Variants in NEK1 observed in about 807,000 individuals in gnomAD.
The protein encoded by NEK1 is NIMA related kinase 1, also known as serine/threonine-protein kinase Nek1.
In NEK1, 137 loss-of-function variants were observed where a neutral mutation model predicts 182.1. That is an observed-to-expected ratio of 0.75 (90% confidence interval 0.65 to 0.87). The LOEUF (loss-of-function observed/expected upper bound fraction) is 0.87. NEK1 is among the 40% of genes least tolerant of loss of function. The probability of loss-of-function intolerance (pLI) is 0.00; values close to 1 mark genes in which losing one functional copy is unlikely to be tolerated. For missense variants in NEK1, 1,391 were observed against 1,494.4 expected (o/e 0.93, Z 1.14); for synonymous variants, 513 against 492.2 (o/e 1.04, Z -0.56).
intron 8 of NEK1, among the ~76,000 whole-genome samples, chr4:169,587,842 A>G (rs1228615950): frequency 6.6e-6 from 1 of 152,110 alleles, no homozygotes; most frequent in Non-Finnish European, 1.5e-5. Context: ...GAAATTTAAT[A>G]TTTAAAAGAA....
At chr4:169,596,598 T>C (rs181037123) in intron 5 of NEK1, among the ~76,000 whole-genome samples, 102 of 152,330 alleles carry the variant, frequency 6.7e-4, no homozygotes, top group Non-Finnish European at 1.2e-3. Flanking sequence ...CCAGTAAAGA[T>C]GCAAACAGGA....
chr4:169,499,690 C>G (rs1404183374), intron 23 of NEK1, among the ~76,000 whole-genome samples: 1 of 152,216 alleles, frequency 6.6e-6, no homozygotes, highest in African/African-American at 2.4e-5. Context: ...GCCTGGGTAT[C>G]AGCAGCGGAG....
intron 27 of NEK1, among the ~76,000 whole-genome samples, chr4:169,453,409 A>G (rs1378761683): frequency 6.6e-6 from 1 of 152,242 alleles, no homozygotes; most frequent in Non-Finnish European, 1.5e-5. Flanking sequence ...CTGACTTCAA[A>G]CTATACTACA....
chr4:169,569,799 T>C (rs908716290), intron 12 of NEK1, among the ~76,000 whole-genome samples: 2 of 152,218 alleles, frequency 1.3e-5, no homozygotes, highest in Non-Finnish European at 2.9e-5. Flanking sequence ...CAGTGCTCAA[T>C]GGTGCCCAGG....
In NEK1 at chr4:169,507,807, G is replaced by T; in HGVS notation, c.1834-15C>A. 1 of 1,582,086 alleles carries T rather than the reference G, an allele frequency of 6.3e-7. No homozygotes were observed. The highest frequency in any genetic ancestry group is 8.7e-7 in the Non-Finnish European group (1 of 1,151,726). On this transcript the variant is annotated splice_polypyrimidine_tract_variant and intron_variant, in intron 21 of 35. Coordinates refer to ENST00000507142, the MANE Select transcript of NEK1 (RefSeq NM_001199397.3). ...TTAGCTTCTTTCTACAAAATAAGTA[G>T]ATAAGCAAATCACTTAGGATAGAAT...
intron 12 of NEK1, among the ~76,000 whole-genome samples, chr4:169,567,406 T>A (rs13327969): frequency 0.11 from 13,055 of 114,088 alleles, 762 homozygotes; most frequent in African/African-American, 0.32. Context: ...AAAAAAAAAA[T>A]TTTTTTTTTT....
chr4:169,409,694 G>A (rs541223985), intron 31 of NEK1, among the ~76,000 whole-genome samples: 76 of 152,032 alleles, frequency 5.0e-4, no homozygotes, highest in Non-Finnish European at 2.6e-4. Flanking sequence ...CTTAAACCTA[G>A]GAGGCGGAGG....
chr4:169,512,462 A>G (rs1754351773), intron 19 of NEK1, among the ~76,000 whole-genome samples: 1 of 151,996 alleles, frequency 6.6e-6, no homozygotes, highest in Non-Finnish European at 1.5e-5. Context: ...TGGATCTTTT[A>G]TGTTTAATGT....
chr4:169,506,975 A>T, intron 23 of NEK1, 62 bp downstream of exon 23: 1 of 1,092,676 alleles, frequency 9.2e-7, no homozygotes, highest in Non-Finnish European at 1.3e-6. Context: ...CTGATGTACT[A>T]CCCAGGAAGA....
intron 16 of NEK1, among the ~76,000 whole-genome samples, chr4:169,559,270 T>TA (rs769179695): frequency 1.3e-5 from 2 of 152,086 alleles, no homozygotes; most frequent in South Asian, 2.1e-4. Context: ...ACGGACTTGA[T>TA]AAAAAAATGC....
At chr4:169,458,415 A>G (rs1287749853) in intron 27 of NEK1, among the ~76,000 whole-genome samples, 1 of 152,166 alleles carries the variant, frequency 6.6e-6, no homozygotes, top group Non-Finnish European at 1.5e-5. Flanking sequence ...CTCCAAATAA[A>G]TCACATAACT....
At chr4:169,480,549 C>T (rs1747803959) in intron 23 of NEK1, among the ~76,000 whole-genome samples, 1 of 148,864 alleles carries the variant, frequency 6.7e-6, no homozygotes, top group Admixed American at 6.7e-5. Context: ...TTCTTCTGAG[C>T]CTTCAATGAA....
At chr4:169,557,884 T>G (rs150075147) in intron 16 of NEK1, among the ~76,000 whole-genome samples, 1 of 152,216 alleles carries the variant, frequency 6.6e-6, no homozygotes, top group East Asian at 1.9e-4. Flanking sequence ...TGAGTCATGA[T>G]CCCACCACTG....
intron 23 of NEK1, among the ~76,000 whole-genome samples, chr4:169,480,684 T>C (rs1747828211): frequency 6.6e-6 from 1 of 152,168 alleles, no homozygotes; most frequent in African/African-American, 2.4e-5. Flanking sequence ...AAATGAAGTT[T>C]GCTGCATCCA....
intron 19 of NEK1, among the ~76,000 whole-genome samples, chr4:169,533,547 C>T (rs187870589): frequency 6.6e-6 from 1 of 152,088 alleles, no homozygotes; most frequent in African/African-American, 2.4e-5. Context: ...ATACTACCAG[C>T]GAAATGAAAA....
rs549300111 is a variant in NEK1, at chr4:169,484,267, C to T, written c.2008-4733G>A. On this transcript the variant is annotated intron_variant, in intron 23 of 35. Transcript: ENST00000507142. ...TTTCACATGTTGGCCAGGCTGGTCT[C>T]GAACTCCTGACCCCGTGATCTGCCT... 8.5e-5 allele frequency among the ~76,000 whole-genome samples: 13 copies of T among 152,278 alleles called. No homozygotes were observed. The East Asian group carries it at 2.1e-3, about 25-fold the overall frequency.
At chr4:169,458,297 C>T (rs375753779) in intron 27 of NEK1, among the ~76,000 whole-genome samples, 7 of 152,026 alleles carry the variant, frequency 4.6e-5, no homozygotes, top group African/African-American at 1.4e-4. Flanking sequence ...GTTAATTCAT[C>T]GAAGAAGGAA....
intron 29 of NEK1, among the ~76,000 whole-genome samples, chr4:169,433,270 G>C (rs1737767536): frequency 6.6e-6 from 1 of 152,184 alleles, no homozygotes; most frequent in South Asian, 2.1e-4. Context: ...ATGTTGGCCA[G>C]GCTGGTCTTG....
chr4:169,581,178 T>A (rs1766595820), intron 10 of NEK1, among the ~76,000 whole-genome samples: 2 of 151,808 alleles, frequency 1.3e-5, no homozygotes, highest in African/African-American at 4.8e-5. Flanking sequence ...AGATCTCGTC[T>A]CTATTTTAAA....
Sources: allele counts gnomAD v4.1 joint callset (sites outside exome capture counted in the v4.1 genomes callset), GRCh38; gene constraint gnomAD v4.1.1; transcripts MANE v1.5; gene names NCBI Gene and HGNC (gene_info 2026-07-23, HGNC 2026-07-21).